The following IL34 variants were observed in gnomAD, a reference collection of about 807,000 sequenced individuals.
IL34 encodes the protein interleukin 34.
A neutral mutation model predicts 25.3 loss-of-function variants in IL34; 17 were observed. That is an observed-to-expected ratio of 0.67 (90% CI 0.46 to 1.01). IL34 has a LOEUF of 1.01. IL34 is among the 50% of genes least tolerant of loss of function. IL34 has a pLI of 0.00. For missense variants in IL34, 368 were observed against 312.9 expected, an observed-to-expected ratio of 1.18 and a Z score of -1.33; for synonymous variants, 174 against 140.9, an observed-to-expected ratio of 1.23 and a Z score of -1.66.
intron 1 of IL34, among the ~76,000 whole-genome samples, chr16:70,630,255 T>C (rs1023635398): frequency 2.0e-5 from 3 of 152,214 alleles, no homozygotes; most frequent in Admixed American, 2.0e-4. Context: ...TTAATTTTTT[T>C]TGGAGATGGA....
rs1176804268 is a variant in IL34 at position 70,660,360 on chromosome 16, C to T, written c.*173C>T. ...TGCCACAGCAGGGCTCAGCTTCCTG[C>T]CTTCCATAGCTGTCATGGCCTCACC... is the stretch of plus-strand genomic sequence containing the variant. On this transcript the variant is annotated 3_prime_UTR_variant, in exon 6 of 6. Coordinates refer to ENST00000288098, the MANE Select transcript of IL34 (RefSeq NM_001393494.1). 5.1e-6 allele frequency: 3 copies of T among 590,654 alleles called. No homozygotes were observed. Among genetic ancestry groups the T allele is most frequent in the Non-Finnish European group, 8.5e-6 (3 of 354,442 alleles). 36.6% of individuals were successfully genotyped at this position (590,654 alleles called of 1,614,324 possible).
intron 1 of IL34, among the ~76,000 whole-genome samples, chr16:70,620,586 G>A (rs1453715342): frequency 6.6e-6 from 1 of 152,138 alleles, no homozygotes; most frequent in Non-Finnish European, 1.5e-5. Flanking sequence ...TGGGACTGAG[G>A]GGACAGGCGG....
chr16:70,656,956 G>A lies in IL34; in HGVS notation c.241-4G>A, dbSNP rs201477178. The A allele has an allele frequency of 1.5e-4, 235 of 1,602,118 alleles. No homozygotes were observed. Among genetic ancestry groups the A allele is most frequent in the South Asian group, 1.4e-4 (13 of 89,778 alleles). On this transcript the variant is annotated splice_region_variant and splice_polypyrimidine_tract_variant and intron_variant, in intron 3 of 5. Transcript: ENST00000288098. ...GAGTTGCAGTGACTTCCCTGTTTCC[G>A]CAGCAGAGGGCCCAGGTGAGCGAGC...
chr16:70,636,685 C>G (rs978393657), intron 1 of IL34, among the ~76,000 whole-genome samples: 5 of 151,748 alleles, frequency 3.3e-5, no homozygotes, highest in African/African-American at 1.2e-4. Flanking sequence ...GGGAGGATGC[C>G]TTGAGCCCAG....
At chr16:70,659,477 TAGCTATCC>T in intron 4 of IL34, 133 bp from the exon 5 acceptor site, 1 of 1,074,986 alleles carries the variant, frequency 9.3e-7, no homozygotes, top group Non-Finnish European at 1.3e-6. Flanking sequence ...TGGTGAGAAA[TAGCTATCC>T]AGGCTCATGG....
intron 1 of IL34, among the ~76,000 whole-genome samples, chr16:70,587,314 G>C (rs960314032): frequency 3.3e-5 from 5 of 151,968 alleles, no homozygotes; most frequent in African/African-American, 9.7e-5. Context: ...CTGTTGCCCA[G>C]GCTGGAGTGC....
intron 1 of IL34, among the ~76,000 whole-genome samples, chr16:70,638,347 T>C (rs2051703522): frequency 6.6e-6 from 1 of 151,736 alleles, no homozygotes; most frequent in African/African-American, 2.4e-5. Flanking sequence ...GGCATGGTGG[T>C]GCACACCTAT....
intron 1 of IL34, among the ~76,000 whole-genome samples, chr16:70,626,911 A>C (rs575504399): frequency 6.6e-6 from 1 of 151,758 alleles, no homozygotes; most frequent in Non-Finnish European, 1.5e-5. Flanking sequence ...AGAACTTGCT[A>C]CTCTTTTCCA....
chr16:70,593,867 C>T (rs969434814), intron 1 of IL34, among the ~76,000 whole-genome samples: 5 of 152,102 alleles, frequency 3.3e-5, no homozygotes, highest in Admixed American at 1.3e-4. Flanking sequence ...ATCAATCATT[C>T]CAGCACCATT....
chr16:70,649,542 G>A (rs957277252), intron 1 of IL34, among the ~76,000 whole-genome samples: 2 of 152,108 alleles, frequency 1.3e-5, no homozygotes, highest in African/African-American at 2.4e-5. Flanking sequence ...CTCTGGAGTC[G>A]GTCCTACCTC....
At chr16:70,640,648 T>C (rs2051760097) in intron 1 of IL34, among the ~76,000 whole-genome samples, 1 of 151,116 alleles carries the variant, frequency 6.6e-6, no homozygotes, top group African/African-American at 2.4e-5. Context: ...AAAAAGTTAG[T>C]TTTTAAATAT....
intron 1 of IL34, among the ~76,000 whole-genome samples, chr16:70,634,969 C>T (rs528856476): frequency 6.6e-5 from 10 of 152,278 alleles, no homozygotes; most frequent in Non-Finnish European, 1.3e-4. Context: ...ACAGTTCATA[C>T]GTCCAGTCTT....
intron 1 of IL34, among the ~76,000 whole-genome samples, chr16:70,634,088 T>A (rs1195311554): frequency 6.6e-6 from 1 of 151,990 alleles, no homozygotes; most frequent in Non-Finnish European, 1.5e-5. Flanking sequence ...TGACCTCAAG[T>A]GATCTGCCCG....
intron 1 of IL34, among the ~76,000 whole-genome samples, chr16:70,620,143 A>C (rs2051249506): frequency 6.6e-6 from 1 of 152,164 alleles, no homozygotes; most frequent in South Asian, 2.1e-4. Context: ...GTTTTATTTA[A>C]TGTCGGGAGC....
intron 1 of IL34, among the ~76,000 whole-genome samples, chr16:70,629,549 T>C (rs2051470868): frequency 6.6e-6 from 1 of 152,184 alleles, no homozygotes; most frequent in African/African-American, 2.4e-5. Context: ...TCCTGTGTAA[T>C]TAAAATTATC....
intron 1 of IL34, among the ~76,000 whole-genome samples, chr16:70,623,178 G>C (rs1475928578): frequency 1.6e-4 from 24 of 152,072 alleles, no homozygotes; most frequent in Admixed American, 1.6e-3. Flanking sequence ...GTACAGCCCA[G>C]GTAATTTGCT....
At chr16:70,613,830 C>T (rs767261276) in intron 1 of IL34, among the ~76,000 whole-genome samples, 5 of 148,334 alleles carry the variant, frequency 3.4e-5, no homozygotes, top group East Asian at 4.0e-4. Context: ...GCTGAGGTTG[C>T]GCCACTGTAC....
chr16:70,614,195 A>AT (rs1454274146), intron 1 of IL34, among the ~76,000 whole-genome samples: 1 of 151,648 alleles, frequency 6.6e-6, no homozygotes, highest in African/African-American at 2.4e-5. Context: ...AAAAAAAAAA[A>AT]AAAGAAGTGC....
chr16:70,637,785 G>C (rs1409953872), intron 1 of IL34, among the ~76,000 whole-genome samples: 1 of 152,182 alleles, frequency 6.6e-6, no homozygotes, highest in Non-Finnish European at 1.5e-5. Flanking sequence ...TTTTTTCAGA[G>C]ACTGGGAGGT....
Sources: gnomAD v4.1 joint callset for allele counts (sites outside exome capture counted in the v4.1 genomes callset) on GRCh38, gnomAD v4.1.1 for gene constraint, MANE v1.5 for transcripts, NCBI Gene and HGNC (gene_info 2026-07-23, HGNC 2026-07-21) for gene names.